Variants in PDE4D observed in about 807,000 individuals in gnomAD.
PDE4D encodes the protein phosphodiesterase 4D, also known as 3',5'-cyclic-AMP phosphodiesterase 4D.
In PDE4D, 24 loss-of-function variants were observed where a neutral mutation model predicts 87.4. That is an observed-to-expected ratio of 0.27 (90% CI 0.20 to 0.39). PDE4D has a LOEUF of 0.39. Ranked by LOEUF, PDE4D falls within the 10% of genes least tolerant of loss-of-function variation. The pLI is 1.00. For missense variants in PDE4D, 714 were observed against 1,041.0 expected (o/e 0.69, Z 4.32); for synonymous variants, 384 against 383.2 (o/e 1.00, Z -0.02).
intron 1 of PDE4D, chr5:59,587,524 C>T (rs1405536564): frequency 1.5e-5 from 15 of 985,410 alleles, no homozygotes; most frequent in South Asian, 4.7e-5. Flanking sequence ...CCAGCAGAAC[C>T]TTTGGAATCC....
upstream of PDE4D, among the ~76,000 whole-genome samples, chr5:59,897,495 T>C (rs1241504688): frequency 6.6e-6 from 1 of 152,008 alleles, no homozygotes; most frequent in South Asian, 2.1e-4. Context: ...GTCCATGTGC[T>C]CAATGTGCAG....
At chr5:60,155,824 T>C (rs1367494626) in intron 2 of PDE4D, among the ~76,000 whole-genome samples, 1 of 152,096 alleles carries the variant, frequency 6.6e-6, no homozygotes. Flanking sequence ...TTAAGGTGTG[T>C]TCTTGAACCT....
chr5:60,430,780 A>G (rs574684416), intron 1 of PDE4D: 70 of 283,554 alleles, frequency 2.5e-4, no homozygotes, highest in Non-Finnish European at 3.2e-4. Flanking sequence ...TCTGTTTAAC[A>G]AAGCACATCT....
chr5:59,623,696 C>T (rs569788601), intron 1 of PDE4D, among the ~76,000 whole-genome samples: 18 of 152,262 alleles, frequency 1.2e-4, no homozygotes, highest in Admixed American at 3.9e-4. Flanking sequence ...ACCTTCTAGA[C>T]TGTTGAGCGT....
intron 1 of PDE4D, among the ~76,000 whole-genome samples, chr5:59,409,675 A>T (rs1169767087): frequency 2.0e-5 from 3 of 152,212 alleles, no homozygotes; most frequent in Non-Finnish European, 4.4e-5. Flanking sequence ...GAAGCTGAGC[A>T]GATGCCAGCA....
intron 1 of PDE4D, among the ~76,000 whole-genome samples, chr5:60,334,857 A>G (rs1289704789): frequency 6.6e-6 from 1 of 152,204 alleles, no homozygotes; most frequent in Non-Finnish European, 1.5e-5. Context: ...CCCTGTTTCC[A>G]TAAGAGTAAT....
intron 2 of PDE4D, among the ~76,000 whole-genome samples, chr5:60,053,642 A>G (rs1318796639): frequency 6.6e-6 from 1 of 152,232 alleles, no homozygotes; most frequent in Non-Finnish European, 1.5e-5. Context: ...CAAAGACTTC[A>G]TGACTAAAAC....
chr5:60,488,575 AG>A (rs1343079167), upstream of PDE4D, among the ~76,000 whole-genome samples: 1 of 151,448 alleles, frequency 6.6e-6, no homozygotes, highest in Non-Finnish European at 1.5e-5. Flanking sequence ...AAGTCTGAGG[AG>A]GGGGAGAATT....
intron 1 of PDE4D, among the ~76,000 whole-genome samples, chr5:60,389,634 C>G (rs1212535849): frequency 1.3e-5 from 2 of 152,154 alleles, no homozygotes. Flanking sequence ...GCTGGAATTG[C>G]TTGACAGGCT....
At chr5:60,169,440 C>T (rs1386576192) in intron 2 of PDE4D, among the ~76,000 whole-genome samples, 1 of 151,760 alleles carries the variant, frequency 6.6e-6, no homozygotes, top group East Asian at 1.9e-4. Flanking sequence ...TTTTTTTCAA[C>T]TGAAATATTT....
chr5:59,231,477 C>T (rs896786469), intron 1 of PDE4D, among the ~76,000 whole-genome samples: 1 of 152,098 alleles, frequency 6.6e-6, no homozygotes, highest in Non-Finnish European at 1.5e-5. Context: ...GATGCTGATG[C>T]GTGAAGGATG....
At chr5:59,355,731 T>A (rs1003872060) in intron 1 of PDE4D, among the ~76,000 whole-genome samples, 29 of 152,180 alleles carry the variant, frequency 1.9e-4, no homozygotes, top group African/African-American at 6.8e-4. Context: ...ACAAAATTTT[T>A]AAATTTGATT....
chr5:59,885,726 T>C (rs1194564039), intron 1 of PDE4D, among the ~76,000 whole-genome samples: 1 of 114,490 alleles, frequency 8.7e-6, no homozygotes, highest in Non-Finnish European at 2.0e-5. Flanking sequence ...CTCTTACATG[T>C]TGTTTTTTTT....
chr5:60,415,812 C>G (rs886660393), intron 1 of PDE4D, among the ~76,000 whole-genome samples: 1 of 152,248 alleles, frequency 6.6e-6, no homozygotes. Context: ...GCGTAGGGCG[C>G]GGGACTGGCA....
At chr5:59,586,510 A>G in intron 1 of PDE4D, 2 of 1,440,032 alleles carry the variant, frequency 1.4e-6, no homozygotes, top group Non-Finnish European at 1.8e-6. Context: ...AATCCCAAAA[A>G]AAAAAAAAAA....
chr5:60,114,941 C>CATGGATGGATGGATGGATGG (rs72415755), intron 2 of PDE4D, among the ~76,000 whole-genome samples: 18 of 89,202 alleles, frequency 2.0e-4, no homozygotes, highest in Admixed American at 9.3e-4. Context: ...TAGATAGATA[C>CATGGATGGATGGATGGATGG]ATGGATGGAT....
intron 1 of PDE4D, chr5:60,460,428 T>G: frequency 2.2e-6 from 3 of 1,333,662 alleles, no homozygotes; most frequent in Non-Finnish European, 3.2e-6. Context: ...GGGCAGACAC[T>G]TGTGGATGCT....
intron 2 of PDE4D, among the ~76,000 whole-genome samples, chr5:60,117,699 G>A (rs538182034): frequency 4.0e-5 from 6 of 151,696 alleles, no homozygotes; most frequent in Non-Finnish European, 7.4e-5. Context: ...TATTCTTTCT[G>A]GTTCCTTTCC....
At chr5:59,613,932 C>G (rs62355582) in intron 1 of PDE4D, among the ~76,000 whole-genome samples, 11,455 of 152,046 alleles carry the variant, frequency 0.075, 588 homozygotes, top group Admixed American at 0.13. Context: ...AATGCTTCAC[C>G]ATGAAGATTA....
Sources: allele counts gnomAD v4.1 joint callset (sites outside exome capture counted in the v4.1 genomes callset), GRCh38; gene constraint gnomAD v4.1.1; transcripts MANE v1.5; gene names NCBI Gene and HGNC (gene_info 2026-07-23, HGNC 2026-07-21).